Variants in CNTNAP2 observed in about 807,000 individuals in gnomAD.
The protein encoded by CNTNAP2 is contactin associated protein 2, also known as contactin-associated protein-like 2.
Under a neutral mutation model 155.2 loss-of-function variants are expected in CNTNAP2, and 98 were observed. The observed-to-expected ratio is 0.63, with a 90% CI of 0.54 to 0.75. The LOEUF (loss-of-function observed/expected upper bound fraction) is 0.75, where lower values mean the gene tolerates loss of function less well. CNTNAP2 is among the 30% of genes least tolerant of loss of function. The probability of loss-of-function intolerance (pLI) is 0.00; values close to 1 mark genes in which losing one functional copy is unlikely to be tolerated. For synonymous variants in CNTNAP2, 651 were observed against 631.2 expected (o/e 1.03, Z -0.47); for missense variants, 1,727 against 1,688.1 (o/e 1.02, Z -0.40).
At chr7:146,820,350 T>C (rs1189578779) in intron 2 of CNTNAP2, among the ~76,000 whole-genome samples, 2 of 152,168 alleles carry the variant, frequency 1.3e-5, no homozygotes, top group African/African-American at 4.8e-5. Context: ...AGTTAGCAAT[T>C]GAATATTTAA....
intron 3 of CNTNAP2, among the ~76,000 whole-genome samples, chr7:146,952,039 TG>T (rs1797324819): frequency 2.6e-5 from 4 of 152,084 alleles, no homozygotes; most frequent in African/African-American, 9.7e-5. Flanking sequence ...AATAAAATAC[TG>T]GCAAACCGAA....
chr7:147,488,191 T>C (rs1407383692), intron 11 of CNTNAP2, among the ~76,000 whole-genome samples: 1 of 152,212 alleles, frequency 6.6e-6, no homozygotes, highest in African/African-American at 2.4e-5. Flanking sequence ...GAAGATACAA[T>C]GTATGCCATT....
chr7:148,307,015 G>A (rs1797502488), intron 21 of CNTNAP2, among the ~76,000 whole-genome samples: 1 of 152,146 alleles, frequency 6.6e-6, no homozygotes, highest in African/African-American at 2.4e-5. Context: ...GTCTTGGGCT[G>A]ATTGAAAGCT....
chr7:147,001,250 A>G (rs1798415884), intron 3 of CNTNAP2, among the ~76,000 whole-genome samples: 1 of 151,898 alleles, frequency 6.6e-6, no homozygotes, highest in Non-Finnish European at 1.5e-5. Flanking sequence ...TTACCTATGG[A>G]TAGTTGTCGA....
intron 1 of CNTNAP2, among the ~76,000 whole-genome samples, chr7:146,687,086 C>G (rs1438614357): frequency 6.6e-6 from 1 of 152,150 alleles, no homozygotes; most frequent in East Asian, 1.9e-4. Context: ...GTCATTGAAT[C>G]ATAGTTCTAT....
chr7:147,621,112 C>A (rs919662905), intron 12 of CNTNAP2, among the ~76,000 whole-genome samples: 2 of 151,996 alleles, frequency 1.3e-5, no homozygotes, highest in Non-Finnish European at 2.9e-5. Flanking sequence ...AAACTTTTAC[C>A]CTAAAATAGT....
chr7:147,110,440 G>A (rs758742763), intron 5 of CNTNAP2, among the ~76,000 whole-genome samples: 7 of 151,656 alleles, frequency 4.6e-5, no homozygotes, highest in South Asian at 2.1e-4. Flanking sequence ...AACGTGTGCC[G>A]TGACGGTTGT....
chr7:148,264,414 T>C (rs1410535900), intron 20 of CNTNAP2, among the ~76,000 whole-genome samples: 2 of 152,184 alleles, frequency 1.3e-5, no homozygotes, highest in Admixed American at 1.3e-4. Flanking sequence ...TTGTATCCAT[T>C]TTTAAAGCTA....
intron 21 of CNTNAP2, among the ~76,000 whole-genome samples, chr7:148,273,089 G>A (rs1367104899): frequency 6.6e-6 from 1 of 152,180 alleles, no homozygotes; most frequent in East Asian, 1.9e-4. Flanking sequence ...TCAAAAGTGA[G>A]TGGTCTCTAC....
chr7:147,220,558 A>T (rs926627735), intron 8 of CNTNAP2, among the ~76,000 whole-genome samples: 2 of 152,194 alleles, frequency 1.3e-5, no homozygotes, highest in African/African-American at 4.8e-5. Context: ...TAATAGTGAT[A>T]TAATTGGATT....
intron 10 of CNTNAP2, among the ~76,000 whole-genome samples, chr7:147,396,698 C>A (rs915567507): frequency 6.6e-6 from 1 of 151,900 alleles, no homozygotes; most frequent in Non-Finnish European, 1.5e-5. Context: ...TTTTGAGATG[C>A]TTTGTCTGTA....
intron 8 of CNTNAP2, among the ~76,000 whole-genome samples, chr7:147,159,406 A>T (rs1408348118): frequency 6.6e-6 from 1 of 152,118 alleles, no homozygotes; most frequent in Non-Finnish European, 1.5e-5. Context: ...GTTGAACTAA[A>T]ATAAAATTAG....
At position 148,079,051 on chromosome 7, in the gene CNTNAP2, T is replaced by C. The variant is rs186035345; in HGVS notation, c.2384-39067T>C. On this transcript the variant is annotated intron_variant, in intron 15 of 23. Coordinates refer to ENST00000361727, the MANE Select transcript of CNTNAP2 (RefSeq NM_014141.6). Reference sequence around the variant, plus strand: ...TCACTGCATATCGTTGCTTGAATTGTAGATCTGTATGGCATGTGACTTGCC... The same window carrying C: ...TCACTGCATATCGTTGCTTGAATTGCAGATCTGTATGGCATGTGACTTGCC... 5.3e-5 allele frequency among the ~76,000 whole-genome samples: 8 copies of C among 152,344 alleles called. No individual in the cohort carries two copies. The East Asian group carries it at 1.5e-3, about 29-fold the overall frequency.
chr7:147,314,092 G>A (rs1488351597), intron 9 of CNTNAP2, among the ~76,000 whole-genome samples: 1 of 152,108 alleles, frequency 6.6e-6, no homozygotes, highest in East Asian at 1.9e-4. Flanking sequence ...AAGAATGCAT[G>A]TGATTTTTGT....
intron 20 of CNTNAP2, among the ~76,000 whole-genome samples, chr7:148,244,027 G>A (rs1796209115): frequency 6.6e-6 from 1 of 152,206 alleles, no homozygotes; most frequent in African/African-American, 2.4e-5. Flanking sequence ...GTAGAACTAC[G>A]TTAAGGTTTG....
intron 3 of CNTNAP2, among the ~76,000 whole-genome samples, chr7:146,859,670 A>T (rs12703843): frequency 0.34 from 51,336 of 151,804 alleles, 9,006 homozygotes; most frequent in African/African-American, 0.42. Flanking sequence ...AAAAAAAAAA[A>T]ATATATATAA....
At chr7:147,595,398 C>T (rs755153272) in intron 12 of CNTNAP2, among the ~76,000 whole-genome samples, 1 of 152,088 alleles carries the variant, frequency 6.6e-6, no homozygotes, top group Non-Finnish European at 1.5e-5. Flanking sequence ...AAAGAAGTGT[C>T]ATTTGGGAAA....
intron 3 of CNTNAP2, among the ~76,000 whole-genome samples, chr7:147,040,195 A>T (rs1015856192): frequency 6.6e-6 from 1 of 152,178 alleles, no homozygotes; most frequent in Non-Finnish European, 1.5e-5. Flanking sequence ...AAAAAAGCTC[A>T]CTATGTAGTT....
intron 12 of CNTNAP2, among the ~76,000 whole-genome samples, chr7:147,636,201 A>G (rs1012546525): frequency 6.6e-6 from 1 of 152,170 alleles, no homozygotes; most frequent in Non-Finnish European, 1.5e-5. Context: ...ATATATTACC[A>G]TGGGGGACAC....
Sources: gnomAD v4.1 joint callset for allele counts (sites outside exome capture counted in the v4.1 genomes callset) on GRCh38, gnomAD v4.1.1 for gene constraint, MANE v1.5 for transcripts, NCBI Gene and HGNC (gene_info 2026-07-23, HGNC 2026-07-21) for gene names.